The following HDAC11 variants were observed in gnomAD, a reference collection of about 807,000 sequenced individuals.
The protein encoded by HDAC11 is histone deacetylase 11.
In HDAC11, 23 loss-of-function variants were observed where a neutral mutation model predicts 41.1. The observed-to-expected ratio is 0.56, with a 90% CI of 0.40 to 0.79. The LOEUF is 0.79. Among genes scored for constraint, HDAC11 ranks in the 30% least tolerant of loss-of-function variants. The pLI is 0.00. For missense variants in HDAC11, 402 were observed against 477.3 expected (o/e 0.84, Z 1.47); for synonymous variants, 187 against 186.6 (o/e 1.00, Z -0.02).
At chr3:13,501,691 G>A (rs1156463794) in intron 6 of HDAC11, 180 bp from the exon 7 acceptor site, 1 of 719,918 alleles carries the variant, frequency 1.4e-6, no homozygotes. Context: ...ATGCACACAT[G>A]GAGCCCCACA....
At chr3:13,503,101 G>A (rs1702449270) in intron 8 of HDAC11, 121 bp downstream of exon 8, 6 of 681,928 alleles carry the variant, frequency 8.8e-6, no homozygotes, top group Admixed American at 5.2e-5. Flanking sequence ...ATCCCTGTGA[G>A]GTGATCCTTT....
intron 6 of HDAC11, chr3:13,501,633 A>C (rs1289963006): frequency 1.4e-6 from 1 of 702,848 alleles, no homozygotes; most frequent in African/African-American, 1.8e-5. Context: ...CCTTCAGGGC[A>C]CAGGACATGC....
intron 8 of HDAC11, among the ~76,000 whole-genome samples, chr3:13,503,521 G>A (rs956672118): frequency 9.2e-5 from 14 of 152,228 alleles, no homozygotes; most frequent in South Asian, 2.1e-4. Context: ...CCGAGATCGC[G>A]CCATTGCACT....
At chr3:13,501,613 G>T in intron 6 of HDAC11, 1 of 691,272 alleles carries the variant, frequency 1.4e-6, no homozygotes, top group Non-Finnish European at 2.7e-6. Context: ...CTTACCTCCT[G>T]ACCTATGACC....
intron 3 of HDAC11, among the ~76,000 whole-genome samples, chr3:13,486,619 C>T (rs1315256334): frequency 2.2e-5 from 3 of 135,988 alleles, no homozygotes; most frequent in Non-Finnish European, 4.6e-5. Flanking sequence ...CGCTTTGTTG[C>T]CCAGGCTCGA....
chr3:13,495,712 C>T (rs190001600), intron 3 of HDAC11, among the ~76,000 whole-genome samples: 6 of 152,312 alleles, frequency 3.9e-5, no homozygotes, highest in African/African-American at 1.4e-4. Context: ...GCTCAGCCTG[C>T]CCTGTTCCAG....
chr3:13,484,976 C>G (rs564383851), intron 3 of HDAC11, among the ~76,000 whole-genome samples: 32 of 152,320 alleles, frequency 2.1e-4, no homozygotes, highest in Non-Finnish European at 4.3e-4. Flanking sequence ...GGAGCCCTGA[C>G]CCCCAGGCTC....
chr3:13,491,108 G>GTC (rs1421309979), intron 3 of HDAC11, among the ~76,000 whole-genome samples: 1 of 139,934 alleles, frequency 7.1e-6, no homozygotes, highest in African/African-American at 2.7e-5. Flanking sequence ...GTGTGTGTGT[G>GTC]TGTGTATTCT....
chr3:13,483,592 C>A, intron 3 of HDAC11, 28 bp downstream of exon 3: 3 of 1,092,774 alleles, frequency 2.7e-6, no homozygotes, highest in South Asian at 1.2e-5. Context: ...TGGGGGGCTG[C>A]GGGCCTGGGG....
At chr3:13,483,322 A>T in intron 2 of HDAC11, 142 bp from the exon 3 acceptor site, 3 of 650,542 alleles carry the variant, frequency 4.6e-6, no homozygotes, top group South Asian at 3.7e-5. Context: ...ACCCCTTCTC[A>T]GAAGGCCCAC....
intron 4 of HDAC11, among the ~76,000 whole-genome samples, chr3:13,498,095 A>T (rs1005543713): frequency 6.6e-6 from 1 of 152,010 alleles, no homozygotes; most frequent in African/African-American, 2.4e-5. Context: ...ACCTCAAGTG[A>T]TCCGCCTGCC....
intron 5 of HDAC11, among the ~76,000 whole-genome samples, chr3:13,499,741 T>C (rs1213379560): frequency 1.3e-5 from 2 of 152,220 alleles, no homozygotes; most frequent in African/African-American, 4.8e-5. Flanking sequence ...TATGGTACTC[T>C]GCTGCACAAA....
chr3:13,498,480 C>G (rs761743677), intron 4 of HDAC11, 33 bp from the exon 5 acceptor site: 27 of 1,613,652 alleles, frequency 1.7e-5, no homozygotes, highest in Non-Finnish European at 2.3e-5. Context: ...GATCGGCTGC[C>G]TGCGCCCCCT....
intron 3 of HDAC11, among the ~76,000 whole-genome samples, chr3:13,491,372 A>G (rs965205106): frequency 6.6e-6 from 1 of 151,874 alleles, no homozygotes; most frequent in Non-Finnish European, 1.5e-5. Flanking sequence ...ATGTTGAGGG[A>G]GTTCCCTTCT....
intron 8 of HDAC11, 69 bp downstream of exon 8, chr3:13,503,049 T>G (rs1702447539): frequency 2.5e-6 from 3 of 1,196,942 alleles, no homozygotes; most frequent in South Asian, 2.5e-5. Flanking sequence ...GAGTGTCTCC[T>G]GTCTGCTAGG....
Position 13,504,482 on chromosome 3 carries a change from G to T in HDAC11, c.843G>T (p.Arg281=), listed in dbSNP as rs1702522828. 2 of 1,613,362 alleles carry T rather than the reference G, an allele frequency of 1.2e-6. No homozygotes were observed. The highest frequency in any genetic ancestry group is 1.6e-4 in the Middle Eastern group (1 of 6,062). ...TCCCCTAACAGGGCATCGTGAAGCG[G>T]GATGAGCTGGTGTTCCGGATGGTCC... is the stretch of plus-strand genomic sequence containing the variant. ...LSISPAGIVK[R]DELVFRMVRG... Residue 281 remains arginine, a synonymous_variant, in exon 10 of 10, where the codon CGG becomes CGT. Coordinates refer to ENST00000295757, the MANE Select transcript of HDAC11 (RefSeq NM_024827.4).
chr3:13,493,245 G>A (rs550517624), intron 3 of HDAC11, among the ~76,000 whole-genome samples: 2 of 152,260 alleles, frequency 1.3e-5, no homozygotes, highest in South Asian at 4.1e-4. Flanking sequence ...GTCACCTGGT[G>A]GTGCCCTGAG....
In HDAC11 at chr3:13,504,684, C is replaced by G; in HGVS notation, c.*1C>G. The G allele has an allele frequency of 6.2e-7, 1 of 1,612,254 alleles. No homozygotes were observed. The highest frequency in any genetic ancestry group is 1.3e-5 in the African/African-American group (1 of 75,062). ...GCTGCTTCCCCCTGCAGTGCCCTGA[C>G]CCTTGCTGCCCTGCCTGTCACGTGG... is the stretch of plus-strand genomic sequence containing the variant. On this transcript the variant is annotated 3_prime_UTR_variant, in exon 10 of 10. Transcript: ENST00000295757.
intron 3 of HDAC11, among the ~76,000 whole-genome samples, chr3:13,489,056 AT>A (rs1164062037): frequency 6.6e-6 from 1 of 152,084 alleles, no homozygotes; most frequent in Non-Finnish European, 1.5e-5. Context: ...TGTATATGTC[AT>A]TTGGAGAAAT....
Sources: gnomAD v4.1 joint callset for allele counts (sites outside exome capture counted in the v4.1 genomes callset) on GRCh38, gnomAD v4.1.1 for gene constraint, MANE v1.5 for transcripts, NCBI Gene and HGNC (gene_info 2026-07-23, HGNC 2026-07-21) for gene names.